PIK3C2G: variants seen among roughly 807,000 people sequenced by gnomAD.
PIK3C2G encodes phosphatidylinositol-4-phosphate 3-kinase catalytic subunit type 2 gamma.
PIK3C2G carries 168 observed loss-of-function variants against 181.1 expected under a neutral mutation model. That is an observed-to-expected ratio of 0.93 (90% confidence interval 0.82 to 1.05). The LOEUF (loss-of-function observed/expected upper bound fraction) is 1.05. Among genes scored for constraint, PIK3C2G ranks in the 50% least tolerant of loss-of-function variants. The pLI is 0.00. For missense variants in PIK3C2G, 1,869 were observed against 1,732.8 expected (o/e 1.08, Z -1.40); for synonymous variants, 573 against 592.2 (o/e 0.97, Z 0.47).
intron 14 of PIK3C2G, among the ~76,000 whole-genome samples, chr12:18,387,364 A>G (rs1943240020): frequency 1.3e-5 from 2 of 152,092 alleles, no homozygotes; most frequent in Admixed American, 1.3e-4. Flanking sequence ...ATTAAGGCCA[A>G]CCTCTGTAGC....
intron 18 of PIK3C2G, among the ~76,000 whole-genome samples, chr12:18,438,993 T>C (rs1356543708): frequency 6.6e-6 from 1 of 151,946 alleles, no homozygotes; most frequent in East Asian, 1.9e-4. Flanking sequence ...GTTCCCAAGG[T>C]TATATCACAG....
downstream of PIK3C2G, among the ~76,000 whole-genome samples, chr12:18,649,454 G>A (rs559535720): frequency 2.0e-5 from 3 of 152,176 alleles, no homozygotes; most frequent in East Asian, 5.8e-4. Context: ...ACTGTCTAAT[G>A]GATAATTCTG....
At chr12:18,712,717 A>ATTG in the PIK3C2G span, 14 of 1,208,484 alleles carry the variant, frequency 1.2e-5, no homozygotes, top group Non-Finnish European at 6.0e-6. Flanking sequence ...CTGCCTACTA[A>ATTG]TGGATCATAA....
chr12:18,406,160 C>G (rs1210108037), intron 16 of PIK3C2G, among the ~76,000 whole-genome samples: 2 of 152,146 alleles, frequency 1.3e-5, no homozygotes, highest in Non-Finnish European at 2.9e-5. Context: ...GCTTATTATA[C>G]TTAGCATAAT....
rs142307033 is a variant in PIK3C2G at position 18,544,925 on chromosome 12, A to G, written c.3481-1398A>G. Among the ~76,000 whole-genome samples the G allele has an allele frequency of 1.1e-4, 17 of 151,982 alleles. No individual in the cohort carries two copies. The South Asian group carries it at 1.2e-3, about 11-fold the overall frequency. ...ACTTCCTACATTTATTTAAAATCCA[A>G]TGACTGATCTTCATTCCTAACCAGT... On this transcript the variant is annotated intron_variant, in intron 25 of 32. Transcript: ENST00000538779.
chr12:18,503,451 A>G, intron 23 of PIK3C2G, 34 bp downstream of exon 23: 1 of 1,484,796 alleles, frequency 6.7e-7, no homozygotes, highest in Non-Finnish European at 9.1e-7. Context: ...TAAATAATGT[A>G]CTTAAATAAG....
the PIK3C2G span, among the ~76,000 whole-genome samples, chr12:18,717,627 C>A: frequency 6.6e-6 from 1 of 152,054 alleles, no homozygotes; most frequent in African/African-American, 2.4e-5. Context: ...ACCACAGAAC[C>A]CTTGCATGTT....
the PIK3C2G span, chr12:18,723,295 T>G: frequency 1.3e-6 from 2 of 1,592,914 alleles, no homozygotes. Flanking sequence ...GATAAAAGTT[T>G]GAAATGCAAA....
At chr12:18,588,500 T>C (rs78979532) in intron 29 of PIK3C2G, among the ~76,000 whole-genome samples, 2,984 of 152,166 alleles carry the variant, frequency 0.02, 207 homozygotes, top group Admixed American at 0.13. Context: ...AAATTACTCA[T>C]ATCACTGATC....
chr12:18,276,000 CAG>C, intron 1 of PIK3C2G, among the ~76,000 whole-genome samples: 1 of 152,144 alleles, frequency 6.6e-6, no homozygotes, highest in East Asian at 1.9e-4. Context: ...AAAGAACACT[CAG>C]TAAAACAATA....
chr12:18,417,707 G>C (rs1052578391), intron 16 of PIK3C2G, among the ~76,000 whole-genome samples: 1 of 151,562 alleles, frequency 6.6e-6, no homozygotes, highest in South Asian at 2.1e-4. Flanking sequence ...TACACATTTA[G>C]TAGACTACAG....
chr12:18,432,981 C>CTTT (rs35947018), intron 18 of PIK3C2G, among the ~76,000 whole-genome samples: 25 of 148,198 alleles, frequency 1.7e-4, no homozygotes, highest in Middle Eastern at 3.5e-3. Flanking sequence ...GAAGATGTGA[C>CTTT]TTTTTTTTTT....
chr12:18,339,514 A>G (rs1473041902), intron 9 of PIK3C2G, among the ~76,000 whole-genome samples: 1 of 152,156 alleles, frequency 6.6e-6, no homozygotes, highest in African/African-American at 2.4e-5. Flanking sequence ...GAAACTTTCT[A>G]AGATAGAGTG....
intron 18 of PIK3C2G, among the ~76,000 whole-genome samples, chr12:18,428,420 A>G (rs1453652730): frequency 1.3e-5 from 2 of 151,340 alleles, no homozygotes; most frequent in African/African-American, 2.4e-5. Context: ...CCTCAGATTC[A>G]CCATATTCAA....
chr12:18,651,344 G>A (rs12228011), downstream of PIK3C2G, among the ~76,000 whole-genome samples: 3,961 of 152,148 alleles, frequency 0.026, 148 homozygotes, highest in East Asian at 0.19. Context: ...GTTGCAAGCT[G>A]CCCTGTCCCT....
rs2138125379 is a variant in PIK3C2G, at chr12:18,399,804, A to T, written c.2272A>T (p.Thr758Ser). Residue 758 changes from threonine to serine, a missense_variant, in exon 16 of 33, where the codon ACA becomes TCA. Thr to Ser is a moderately conservative substitution (Grantham distance 58). Coordinates refer to ENST00000538779, the MANE Select transcript of PIK3C2G (RefSeq NM_001288772.2). ...AATGCATACCATTTTGAGAAGATGG[A>T]CATTTTCTCAACCTTTAGAGGCTCT... is the stretch of plus-strand genomic sequence containing the variant. ...SEMHTILRRW[T>S]FSQPLEALGL... 2 of 1,604,062 alleles carry T rather than the reference A, an allele frequency of 1.2e-6. 1 individual carries two copies. The highest frequency in any genetic ancestry group is 4.5e-5 in the East Asian group (2 of 44,784).
chr12:18,321,036 A>G lies in PIK3C2G; in HGVS notation c.1208+4A>G. The stretch of plus-strand genomic sequence containing the variant: ...TGCATATTTGGAAAGTATCCAGGTA[A>G]GATATTTTATATTTGTTCCAAGACT... On this transcript the variant is annotated splice_donor_region_variant and intron_variant, in intron 7 of 32. Transcript: ENST00000538779. 7.1e-7 allele frequency: 1 copy of G among 1,418,300 alleles called. No individual in the cohort carries two copies. The allele number at this position is 1,418,300 out of a possible 1,614,324, so 87.9% of individuals were successfully genotyped here.
rs770059990 is a variant in PIK3C2G at position 18,282,312 on chromosome 12, A to G, written c.231A>G (p.Ser77=). ...TAPKWDSTGH[S]LNEAHQISLN... Reference sequence around the variant, plus strand: ...CAAAATGGGACTCAACAGGGCATTCATTAAATGAAGCACACCAAATATCCT... The same window carrying G: ...CAAAATGGGACTCAACAGGGCATTCGTTAAATGAAGCACACCAAATATCCT... The change falls in exon 2 of 33, where the codon TCA becomes TCG. Residue 77 remains serine, a synonymous_variant. Coordinates refer to ENST00000538779, the MANE Select transcript of PIK3C2G (RefSeq NM_001288772.2). 11 of 1,613,624 alleles carry G rather than the reference A, an allele frequency of 6.8e-6. No individual in the cohort carries two copies. The highest frequency in any genetic ancestry group is 9.3e-6 in the Non-Finnish European group (11 of 1,179,584).
chr12:18,341,642 T>C (rs1343464961), intron 9 of PIK3C2G, among the ~76,000 whole-genome samples: 4 of 152,142 alleles, frequency 2.6e-5, no homozygotes, highest in Admixed American at 2.6e-4. Context: ...TTCCATCCCA[T>C]TTTAAATGTG....
Sources: allele counts gnomAD v4.1 joint callset (sites outside exome capture counted in the v4.1 genomes callset), GRCh38; gene constraint gnomAD v4.1.1; transcripts MANE v1.5; gene names NCBI Gene and HGNC (gene_info 2026-07-23, HGNC 2026-07-21).